The following TFEC variants were observed in gnomAD, a reference collection of about 807,000 sequenced individuals.
TFEC encodes transcription factor EC.
Under a neutral mutation model 41.6 loss-of-function variants are expected in TFEC, and 31 were observed. That is an observed-to-expected ratio of 0.74 (90% CI 0.56 to 1.01). TFEC has a LOEUF of 1.01. Ranked by LOEUF, TFEC falls within the 50% of genes least tolerant of loss-of-function variation. The pLI, the probability that TFEC is intolerant of heterozygous loss-of-function variation, is 0.00. For synonymous variants in TFEC, 143 were observed against 140.6 expected (o/e 1.02, Z -0.12); for missense variants, 402 against 404.1 (o/e 0.99, Z 0.04).
intron 3 of TFEC, among the ~76,000 whole-genome samples, chr7:116,088,691 GT>G (rs1348756108): frequency 6.6e-6 from 1 of 151,856 alleles, no homozygotes; most frequent in Non-Finnish European, 1.5e-5. Context: ...TTATGATTAG[GT>G]TTTTTAACAT....
intron 1 of TFEC, among the ~76,000 whole-genome samples, chr7:116,156,882 T>A (rs1441731489): frequency 6.6e-6 from 1 of 152,210 alleles, no homozygotes; most frequent in East Asian, 1.9e-4. Flanking sequence ...GATCAAATAA[T>A]TCTGTTCCAC....
At chr7:115,982,218 C>CAAA (rs57020486) in intron 2 of TFEC, among the ~76,000 whole-genome samples, 2,096 of 147,798 alleles carry the variant, frequency 0.014, 47 homozygotes, top group African/African-American at 0.049. Context: ...AAAAAAAAAA[C>CAAA]AAAAAAAAAC....
intron 3 of TFEC, chr7:115,968,158 A>C: frequency 1.3e-6 from 2 of 1,519,762 alleles, no homozygotes; most frequent in Non-Finnish European, 1.8e-6. Flanking sequence ...CCAAACACTG[A>C]AAGAATTCCA....
At chr7:115,978,204 G>A (rs1377398178) in intron 2 of TFEC, among the ~76,000 whole-genome samples, 1 of 151,790 alleles carries the variant, frequency 6.6e-6, no homozygotes, top group Non-Finnish European at 1.5e-5. Flanking sequence ...GGTTAAAAAA[G>A]GTATCATAAA....
At chr7:115,994,136 GA>G (rs1044380510) in intron 1 of TFEC, among the ~76,000 whole-genome samples, 1 of 152,136 alleles carries the variant, frequency 6.6e-6, no homozygotes, top group Non-Finnish European at 1.5e-5. Flanking sequence ...ATGGTGCTGG[GA>G]AACCTGGCTA....
At chr7:116,111,920 A>G (rs7785501) in intron 2 of TFEC, 221,755 of 726,868 alleles carry the variant, frequency 0.31, 36,241 homozygotes, top group African/African-American at 0.55. Context: ...GGTAAATGAT[A>G]GTACTTGATT....
chr7:116,025,731 A>C (rs1252269851), intron 1 of TFEC, among the ~76,000 whole-genome samples: 8 of 152,226 alleles, frequency 5.3e-5, no homozygotes, highest in Non-Finnish European at 1.2e-4. Context: ...GATCACTTGT[A>C]AATATTTGCT....
In TFEC at chr7:116,108,824, T is replaced by C. The variant is rs150754817; in HGVS notation, c.198+1884A>G. 1.6e-3 allele frequency among the ~76,000 whole-genome samples: 247 copies of C among 152,296 alleles called. 1 individual carries two copies. The highest frequency in any genetic ancestry group is 5.7e-3 in the African/African-American group (237 of 41,570). On this transcript the variant is annotated intron_variant, in intron 3 of 8. Transcript: ENST00000484212. ...ATCTTCAGTCAAACTTCATAAGCAG[T>C]TTTTGGCATAACTATTATCTTTCAC...
chr7:116,082,460 A>G (rs1359266973), intron 3 of TFEC, among the ~76,000 whole-genome samples: 1 of 152,056 alleles, frequency 6.6e-6, no homozygotes, highest in Admixed American at 6.6e-5. Flanking sequence ...ATTGTGTATT[A>G]ACAAATCATT....
At chr7:115,955,311 T>C (rs945229434) in intron 4 of TFEC, among the ~76,000 whole-genome samples, 10 of 152,072 alleles carry the variant, frequency 6.6e-5, no homozygotes, top group African/African-American at 2.2e-4. Flanking sequence ...CACTAGCTTG[T>C]TGTGGAAATG....
intron 3 of TFEC, among the ~76,000 whole-genome samples, chr7:116,077,387 A>AACAAATAGC (rs1345771647): frequency 6.6e-6 from 1 of 152,282 alleles, no homozygotes; most frequent in East Asian, 1.9e-4. Flanking sequence ...GTATTGAGGC[A>AACAAATAGC]ACAAATAGCA....
chr7:116,110,980 T>C, intron 2 of TFEC: 1 of 985,644 alleles, frequency 1.0e-6, no homozygotes. Context: ...CAAAATAATA[T>C]TTTATCACCT....
At chr7:116,043,505 G>C (rs1796089112) in intron 3 of TFEC, among the ~76,000 whole-genome samples, 2 of 152,088 alleles carry the variant, frequency 1.3e-5, no homozygotes, top group African/African-American at 4.8e-5. Flanking sequence ...CATGGGTAAA[G>C]TACATAAGCA....
intron 3 of TFEC, among the ~76,000 whole-genome samples, chr7:116,058,994 T>C (rs1796491544): frequency 1.3e-5 from 2 of 151,730 alleles, no homozygotes; most frequent in Non-Finnish European, 3.0e-5. Context: ...AAAAAGGAGA[T>C]AGATTAAATC....
intron 3 of TFEC, among the ~76,000 whole-genome samples, chr7:116,057,078 A>C (rs1480009586): frequency 2.6e-5 from 4 of 152,036 alleles, no homozygotes; most frequent in African/African-American, 4.8e-5. Flanking sequence ...AAACTAGAAA[A>C]CTTACAGACA....
chr7:116,088,671 AT>A (rs1797255522), intron 3 of TFEC, among the ~76,000 whole-genome samples: 3 of 152,010 alleles, frequency 2.0e-5, no homozygotes, highest in Non-Finnish European at 4.4e-5. Context: ...ATGTCTACCC[AT>A]TTTTGTACTT....
rs371550235 is a variant in TFEC, at chr7:116,024,325, GAAC to G, written c.-73+6305_-73+6307del. 4.8e-3 allele frequency among the ~76,000 whole-genome samples: 729 copies of G among 152,158 alleles called. 7 individuals carry two copies. Among genetic ancestry groups the G allele is most frequent in the African/African-American group, 0.015 (631 of 41,536 alleles). On this transcript the variant is annotated intron_variant, in intron 1 of 7. Coordinates refer to ENST00000265440, the MANE Select transcript of TFEC (RefSeq NM_012252.4). ...GAGGTTGTTCAAAATGAATGAAAGA[GAAC>G]AACAAAGACAAAGTTTAAATTTAAA...
chr7:115,986,637 C>G (rs952379967), intron 1 of TFEC, among the ~76,000 whole-genome samples: 7 of 151,500 alleles, frequency 4.6e-5, no homozygotes, highest in African/African-American at 1.7e-4. Flanking sequence ...TCTCAGCAAA[C>G]TATTGCAAGG....
At chr7:116,069,488 A>G (rs1030357213) in intron 3 of TFEC, among the ~76,000 whole-genome samples, 1 of 151,704 alleles carries the variant, frequency 6.6e-6, no homozygotes, top group Non-Finnish European at 1.5e-5. Context: ...TACATCCTCT[A>G]AAACCTTCCT....
Sources: allele counts gnomAD v4.1 joint callset (sites outside exome capture counted in the v4.1 genomes callset), GRCh38; gene constraint gnomAD v4.1.1; transcripts MANE v1.5; gene names NCBI Gene and HGNC (gene_info 2026-07-23, HGNC 2026-07-21).